Variants in FBXO3 observed in about 807,000 individuals in gnomAD.
The protein encoded by FBXO3 is F-box protein 3, also known as F-box only protein 3.
FBXO3 carries 17 observed loss-of-function variants against 64.8 expected under a neutral mutation model. That is an observed-to-expected ratio of 0.26 (90% CI 0.18 to 0.39). The LOEUF (loss-of-function observed/expected upper bound fraction) is 0.39, where lower values mean the gene tolerates loss of function less well. Ranked by LOEUF, FBXO3 falls within the 10% of genes least tolerant of loss-of-function variation. FBXO3 has a pLI of 1.00. For missense variants in FBXO3, 420 were observed against 589.9 expected, an observed-to-expected ratio of 0.71 and a Z score of 2.98; for synonymous variants, 182 against 201.6, an observed-to-expected ratio of 0.90 and a Z score of 0.82.
At chr11:33,751,682 T>C in intron 6 of FBXO3, 75 bp from the exon 7 acceptor site, 1 of 799,320 alleles carries the variant, frequency 1.3e-6, no homozygotes, top group Admixed American at 2.7e-5. Flanking sequence ...ACAATTGTAA[T>C]TCCTCTATGC....
At chr11:33,757,443 A>C (rs1358314227) in intron 4 of FBXO3, among the ~76,000 whole-genome samples, 1 of 146,288 alleles carries the variant, frequency 6.8e-6, no homozygotes, top group East Asian at 2.0e-4. Flanking sequence ...GTAAGACCCC[A>C]TCTCTAATAA....
intron 9 of FBXO3, 74 bp from the exon 10 acceptor site, chr11:33,747,394 C>T (rs1031034989): frequency 3.1e-5 from 37 of 1,201,176 alleles, no homozygotes; most frequent in Middle Eastern, 1.9e-4. Context: ...GGTATGGTCT[C>T]CATGGCATTA....
intron 10 of FBXO3, chr11:33,744,593 C>T (rs981322870): frequency 6.6e-6 from 1 of 152,188 alleles, no homozygotes; most frequent in South Asian, 2.1e-4. Flanking sequence ...ACAAATACAA[C>T]CCCCATGGCT....
chr11:33,767,398 C>A (rs992956105), intron 3 of FBXO3, among the ~76,000 whole-genome samples: 4 of 152,176 alleles, frequency 2.6e-5, no homozygotes, highest in African/African-American at 4.8e-5. Flanking sequence ...TTGCCGGGTT[C>A]ACGCCATTCT....
intron 10 of FBXO3, chr11:33,744,898 A>G (rs753961224): frequency 2.0e-5 from 3 of 152,222 alleles, no homozygotes; most frequent in South Asian, 2.1e-4. Flanking sequence ...GGAGTCCTCA[A>G]TAAGTTTTTA....
At chr11:33,757,336 C>A (rs10836105) in intron 4 of FBXO3, among the ~76,000 whole-genome samples, 2 of 151,190 alleles carry the variant, frequency 1.3e-5, no homozygotes, top group East Asian at 1.9e-4. Context: ...CTACTTTTAC[C>A]CAAAAGTTCC....
intron 1 of FBXO3, 99 bp downstream of exon 1, chr11:33,774,295 G>C (rs1855585120): frequency 9.5e-7 from 1 of 1,050,342 alleles, no homozygotes; most frequent in Middle Eastern, 2.9e-4. Flanking sequence ...TGGTGTCGCG[G>C]AAGCTCGGGT....
At chr11:33,767,342 C>G (rs1428272992) in intron 3 of FBXO3, among the ~76,000 whole-genome samples, 4 of 152,176 alleles carry the variant, frequency 2.6e-5, no homozygotes, top group Admixed American at 2.6e-4. Flanking sequence ...CTCTGTCGCC[C>G]AGGCTGGAGT....
In FBXO3 at chr11:33,758,489, A is replaced by G; in HGVS notation, c.471T>C (p.Pro157=). The change falls in exon 4 of 11, where the codon CCT becomes CCC. Residue 157 remains proline (P), a splice_region_variant and synonymous_variant. Transcript: ENST00000265651. The part of the protein sequence containing the change: ...RIHNGQKLVV[P]GLLGSMALSN... ...AACCAAAACATTGAATATCTTACCC[A>G]GGAACCACTAACTTCTGTCCATTGT... The G allele has an allele frequency of 6.3e-7, 1 of 1,586,504 alleles. No homozygotes were observed. The highest frequency in any genetic ancestry group is 8.6e-7 in the Non-Finnish European group (1 of 1,160,996).
intron 3 of FBXO3, among the ~76,000 whole-genome samples, chr11:33,765,629 C>T (rs781746701): frequency 2.0e-5 from 3 of 152,154 alleles, no homozygotes; most frequent in Non-Finnish European, 4.4e-5. Context: ...TATTTGTCCC[C>T]TCCCAAATCT....
chr11:33,750,389 A>C, intron 8 of FBXO3, 150 bp downstream of exon 8: 4 of 810,478 alleles, frequency 4.9e-6, no homozygotes, highest in Non-Finnish European at 7.6e-6. Flanking sequence ...CATGAACACT[A>C]TCTTGTAGAA....
At chr11:33,763,622 T>G (rs1855292875) in intron 3 of FBXO3, among the ~76,000 whole-genome samples, 1 of 64,670 alleles carries the variant, frequency 1.5e-5, no homozygotes. Flanking sequence ...ATAAAGAATA[T>G]CTACAAAAAA....
At position 33,754,374 on chromosome 11, in the gene FBXO3, G is replaced by T. The variant is rs533828308; in HGVS notation, c.724+81C>A. 10 of 1,254,646 alleles carry T rather than the reference G, an allele frequency of 8.0e-6. No homozygotes were observed. The South Asian group carries it at 1.2e-4, about 15-fold the overall frequency. The allele number at this position is 1,254,646 out of a possible 1,614,324, so 77.7% of individuals were successfully genotyped here. ...GAAATTGCCAGCTGCTAAAGTAGCT[G>T]AAAAAGTTTTTACCATTTTAATTTT... On this transcript the variant is annotated intron_variant, in intron 6 of 10. Transcript: ENST00000265651.
chr11:33,762,611 T>C (rs1217300966), intron 3 of FBXO3, among the ~76,000 whole-genome samples: 1 of 151,388 alleles, frequency 6.6e-6, no homozygotes, highest in East Asian at 1.9e-4. Flanking sequence ...GAAAATACAA[T>C]GTATTAAAAC....
chr11:33,747,084 C>G (rs1459775414), intron 10 of FBXO3, 46 bp downstream of exon 10: 1 of 1,603,092 alleles, frequency 6.2e-7, no homozygotes, highest in Non-Finnish European at 8.5e-7. Context: ...GCAGTGTTAA[C>G]CCTACAAAGT....
At chr11:33,742,160 A>G in intron 10 of FBXO3, 76 bp from the exon 11 acceptor site, 1 of 1,369,354 alleles carries the variant, frequency 7.3e-7, no homozygotes, top group Non-Finnish European at 9.6e-7. Context: ...ATTCTCATTT[A>G]TCTAGAATTC....
chr11:33,756,693 GTCA>G (rs1214398750), intron 4 of FBXO3, among the ~76,000 whole-genome samples: 1 of 152,096 alleles, frequency 6.6e-6, no homozygotes, highest in East Asian at 1.9e-4. Flanking sequence ...ATAATTTAGG[GTCA>G]TCTAGTCCTA....
intron 1 of FBXO3, 98 bp from the exon 2 acceptor site, chr11:33,770,928 T>C (rs1855496441): frequency 2.2e-6 from 2 of 920,494 alleles, no homozygotes; most frequent in Admixed American, 2.2e-5. Context: ...ATGCCTTTTG[T>C]TTCTCTTACT....
chr11:33,745,767 GAAAT>G (rs1309482945), intron 10 of FBXO3: 2 of 152,016 alleles, frequency 1.3e-5, no homozygotes, highest in Non-Finnish European at 2.9e-5. Flanking sequence ...TAGAAGGAAA[GAAAT>G]AAAGATAACT....
Sources: gnomAD v4.1 joint callset for allele counts (sites outside exome capture counted in the v4.1 genomes callset) on GRCh38, gnomAD v4.1.1 for gene constraint, MANE v1.5 for transcripts, NCBI Gene and HGNC (gene_info 2026-07-23, HGNC 2026-07-21) for gene names.